RGS20: variants seen among roughly 807,000 people sequenced by gnomAD.
The protein encoded by RGS20 is gz-selective GTPase-activating protein.
Under a neutral mutation model 33.6 loss-of-function variants are expected in RGS20, and 30 were observed. The ratio of observed to expected loss-of-function variants is 0.89; its 90% confidence interval spans 0.67 to 1.21. The LOEUF (loss-of-function observed/expected upper bound fraction) is 1.21. RGS20 is among the 50% of genes most tolerant of loss of function. The pLI is 0.00. For synonymous variants in RGS20, 208 were observed against 197.9 expected, an observed-to-expected ratio of 1.05 and a Z score of -0.43; for missense variants, 472 against 502.4, an observed-to-expected ratio of 0.94 and a Z score of 0.58.
chr8:53,931,355 G>A (rs2128820), intron 2 of RGS20, among the ~76,000 whole-genome samples: 54,104 of 151,996 alleles, frequency 0.36, 10,878 homozygotes, highest in African/African-American at 0.56. Flanking sequence ...AGGAGTTTGC[G>A]ACCAGCTTGG....
intron 2 of RGS20, among the ~76,000 whole-genome samples, chr8:53,902,277 G>C (rs1303049768): frequency 6.6e-6 from 1 of 152,190 alleles, no homozygotes; most frequent in African/African-American, 2.4e-5. Context: ...TGGGATTACA[G>C]GCATGAGCCA....
intron 2 of RGS20, among the ~76,000 whole-genome samples, chr8:53,912,004 A>C (rs548403726): frequency 2.0e-5 from 3 of 152,298 alleles, no homozygotes; most frequent in Non-Finnish European, 4.4e-5. Context: ...CAGAAAAATA[A>C]GGATATTTAA....
At chr8:53,912,914 T>A (rs1291756873) in intron 2 of RGS20, among the ~76,000 whole-genome samples, 1 of 152,160 alleles carries the variant, frequency 6.6e-6, no homozygotes, top group East Asian at 1.9e-4. Flanking sequence ...TTTTTTAGTA[T>A]CATTATGAAT....
chr8:53,878,233 C>G (rs1351569295), intron 1 of RGS20, among the ~76,000 whole-genome samples: 1 of 152,086 alleles, frequency 6.6e-6, no homozygotes, highest in African/African-American at 2.4e-5. Context: ...CTACACTAAA[C>G]GTTAGTGTAC....
intron 4 of RGS20, among the ~76,000 whole-genome samples, chr8:53,949,498 C>G (rs1259077024): frequency 1.3e-5 from 2 of 151,830 alleles, no homozygotes; most frequent in Non-Finnish European, 2.9e-5. Context: ...ATGCGGATCA[C>G]CTGAGGTCAG....
chr8:53,866,387 C>CT (rs58939238), intron 1 of RGS20, among the ~76,000 whole-genome samples: 3,284 of 144,824 alleles, frequency 0.023, 82 homozygotes, highest in African/African-American at 0.062. Context: ...ACATTTACCT[C>CT]TTTTTTTTTT....
intron 5 of RGS20, among the ~76,000 whole-genome samples, chr8:53,956,741 A>G (rs931107085): frequency 1.3e-5 from 2 of 152,256 alleles, no homozygotes; most frequent in African/African-American, 4.8e-5. Flanking sequence ...TTCATTTTGA[A>G]TTAATAAGGA....
rs1461885281 is a variant in RGS20 at position 53,939,626 on chromosome 8, C to T, written c.561C>T (p.Ala187=). The T allele has an allele frequency of 6.9e-6, 11 of 1,604,726 alleles. No individual in the cohort carries two copies. Among genetic ancestry groups the T allele is most frequent in the Non-Finnish European group, 8.5e-6 (10 of 1,176,594 alleles). The change falls in exon 3 of 6, where the codon GCC becomes GCT. Residue 187 remains alanine (A), a synonymous_variant. Transcript: ENST00000297313. ...TGCGGAAGCGGCAGATGCCCGCCGCCCAGGACACACCAGGCGCCGCCCCAG... is the reference window on the plus strand; with the variant it reads ...TGCGGAAGCGGCAGATGCCCGCCGCTCAGGACACACCAGGCGCCGCCCCAG...
intron 1 of RGS20, among the ~76,000 whole-genome samples, chr8:53,873,874 G>T (rs1357102914): frequency 6.6e-6 from 1 of 152,200 alleles, no homozygotes; most frequent in African/African-American, 2.4e-5. Flanking sequence ...AAGGATTTTG[G>T]ATTTTACTCT....
intron 1 of RGS20, among the ~76,000 whole-genome samples, chr8:53,871,517 TGAGGCAG>T (rs1439992266): frequency 6.6e-6 from 1 of 151,958 alleles, no homozygotes; most frequent in African/African-American, 2.4e-5. Context: ...CTTAGGAAGC[TGAGGCAG>T]GAGAATCGCT....
rs1168537914 is a variant in RGS20, at chr8:53,959,139, C to CTGTTA, written c.*683_*687dup. On this transcript the variant is annotated 3_prime_UTR_variant, in exon 6 of 6. Coordinates refer to ENST00000297313, the MANE Select transcript of RGS20 (RefSeq NM_170587.4). ...AAAATTCTTTTGTTGAAAAGAGTTA[C>CTGTTA]TGTTATTATCAGAATTTGCCAACCT... 8 of 152,156 alleles carry CTGTTA rather than the reference C, an allele frequency of 5.3e-5. No homozygotes were observed. The highest frequency in any genetic ancestry group is 1.7e-4 in the African/African-American group (7 of 41,420). The allele number at this position is 152,156 out of a possible 1,614,324, so 9.4% of individuals were successfully genotyped here.
chr8:53,897,610 A>G (rs1812903563), intron 2 of RGS20, among the ~76,000 whole-genome samples: 2 of 152,232 alleles, frequency 1.3e-5, no homozygotes, highest in Non-Finnish European at 2.9e-5. Context: ...ACCATAGTAC[A>G]TTCTTTCTTA....
At position 53,879,508 on chromosome 8, in the gene RGS20, G is replaced by C. The variant is rs1449318672; in HGVS notation, c.416G>C (p.Gly139Ala). ...CTCGGGGCGGCGCTGGCACTGCCCG[G>C]CCGACCCTCGGGGGGTCGTCCGCTG... Residue 139 changes from glycine to alanine, a missense_variant, in exon 2 of 6, where the codon GGC becomes GCC. By Grantham distance (60) the Gly-to-Ala change is moderately conservative (BLOSUM62 0). Coordinates refer to ENST00000297313, the MANE Select transcript of RGS20 (RefSeq NM_170587.4). 1.3e-6 allele frequency: 2 copies of C among 1,546,858 alleles called. No homozygotes were observed. Among genetic ancestry groups the C allele is most frequent in the African/African-American group, 1.4e-5 (1 of 72,086 alleles).
intron 4 of RGS20, among the ~76,000 whole-genome samples, chr8:53,949,985 G>GTTT (rs1814662808): frequency 6.6e-6 from 1 of 151,418 alleles, no homozygotes. Flanking sequence ...GATTACAGGC[G>GTTT]CCCACCACCA....
In RGS20 at chr8:53,875,044, A is replaced by C. The variant is rs116833049; in HGVS notation, c.166-4214A>C. On this transcript the variant is annotated intron_variant, in intron 1 of 5. Coordinates refer to ENST00000297313, the MANE Select transcript of RGS20 (RefSeq NM_170587.4). ...GTTTTTCGCCTGAACAAAAATAGTTAAACTTCCCATTTGCTGAGCTGGTGA... is the reference window on the plus strand; with the variant it reads ...GTTTTTCGCCTGAACAAAAATAGTTCAACTTCCCATTTGCTGAGCTGGTGA... Among the ~76,000 whole-genome samples, 574 of 152,318 alleles carry C rather than the reference A, an allele frequency of 3.8e-3. 10 individuals are homozygous for C. The highest frequency in any genetic ancestry group is 0.013 in the African/African-American group (548 of 41,562).
At position 53,880,984 on chromosome 8, in the gene RGS20, G is replaced by T. The variant is rs747799945; in HGVS notation, c.510+1382G>T. 7 of 1,591,212 alleles carry T rather than the reference G, an allele frequency of 4.4e-6. No homozygotes were observed. In the South Asian group the frequency reaches 6.7e-5, roughly 15 times the overall value. ...CGACGTAGAGAGGGCAGCCCTCCGC[G>T]CTGCAATATTGAGAAGGCACCCGCG... On this transcript the variant is annotated intron_variant, in intron 2 of 5. Transcript: ENST00000297313.
chr8:53,943,586 A>G (rs1814370636), intron 3 of RGS20, among the ~76,000 whole-genome samples: 1 of 152,208 alleles, frequency 6.6e-6, no homozygotes, highest in Non-Finnish European at 1.5e-5. Context: ...CAGTGGACCG[A>G]GGTAAAGAAA....
In RGS20 at chr8:53,958,751, C is replaced by A. The variant is rs190796215; in HGVS notation, c.*293C>A. 3.2e-3 allele frequency: 536 copies of A among 165,240 alleles called. 2 individuals are homozygous for A. The highest frequency in any genetic ancestry group is 0.012 in the African/African-American group (512 of 42,038). 10.2% of individuals were successfully genotyped at this position (165,240 alleles called of 1,614,324 possible). On this transcript the variant is annotated 3_prime_UTR_variant, in exon 6 of 6. Coordinates refer to ENST00000297313, the MANE Select transcript of RGS20 (RefSeq NM_170587.4). ...AGTGGCCAAGGCTACACAGAAGGCT[C>A]CCTGCTGCCCGGAGCAGGTACATCC...
At chr8:53,905,204 C>G (rs1478404513) in intron 2 of RGS20, among the ~76,000 whole-genome samples, 1 of 152,152 alleles carries the variant, frequency 6.6e-6, no homozygotes, top group Non-Finnish European at 1.5e-5. Context: ...TACTAGAAAA[C>G]AATGGACCAG....
Sources: gnomAD v4.1 joint callset for allele counts (sites outside exome capture counted in the v4.1 genomes callset) on GRCh38, gnomAD v4.1.1 for gene constraint, MANE v1.5 for transcripts, NCBI Gene and HGNC (gene_info 2026-07-23, HGNC 2026-07-21) for gene names.